The following EIF4ENIF1 variants were observed in gnomAD, a reference collection of about 807,000 sequenced individuals.
The protein encoded by EIF4ENIF1 is eukaryotic translation initiation factor 4E transporter.
EIF4ENIF1 carries 23 observed loss-of-function variants against 110.5 expected under a neutral mutation model. The observed-to-expected ratio is 0.21, with a 90% CI of 0.15 to 0.29. The LOEUF (loss-of-function observed/expected upper bound fraction) is 0.29. EIF4ENIF1 is among the 10% of genes least tolerant of loss of function. EIF4ENIF1 has a pLI of 1.00. For synonymous variants in EIF4ENIF1, 440 were observed against 437.0 expected (o/e 1.01, Z -0.09); for missense variants, 1,031 against 1,221.1 (o/e 0.84, Z 2.32).
intron 2 of EIF4ENIF1, among the ~76,000 whole-genome samples, chr22:31,487,063 T>G (rs1601664981): frequency 6.8e-6 from 1 of 146,440 alleles, no homozygotes; most frequent in African/African-American, 2.4e-5. Context: ...AGAGTAAAAC[T>G]CCATCTCAAA....
rs375883951 is a variant in EIF4ENIF1, at chr22:31,463,112, G to A, written c.607C>T (p.Arg203Cys). 49 of 1,613,814 alleles carry A rather than the reference G, an allele frequency of 3.0e-5. No individual in the cohort carries two copies. The highest frequency in any genetic ancestry group is 1.8e-4 in the Admixed American group (11 of 59,966). The change falls in exon 6 of 19, where the codon CGT becomes TGT. Residue 203 changes from arginine to cysteine, a missense_variant. Coordinates refer to ENST00000330125, the MANE Select transcript of EIF4ENIF1 (RefSeq NM_019843.4). ...RFRREFGDSK[R>C]VFGERRRNDS... ...TTTCTTCTACGCTCACCAAAGACAC[G>A]CTTACTATCTCCAAACTCTCTCTGG...
intron 15 of EIF4ENIF1, 103 bp from the exon 16 acceptor site, chr22:31,443,197 T>C: frequency 4.0e-6 from 6 of 1,489,172 alleles, no homozygotes; most frequent in Non-Finnish European, 5.4e-6. Flanking sequence ...GTCCCCACAT[T>C]GGTAGCATAG....
At chr22:31,444,274 C>G (rs2050393505) in intron 15 of EIF4ENIF1, among the ~76,000 whole-genome samples, 1 of 152,154 alleles carries the variant, frequency 6.6e-6, no homozygotes, top group Non-Finnish European at 1.5e-5. Context: ...CCAGTCACCT[C>G]TGTCCACTTC....
rs144735048 is a variant in EIF4ENIF1 at position 31,443,593 on chromosome 22, A to G, written c.2074-499T>C. Among the ~76,000 whole-genome samples the G allele has an allele frequency of 8.4e-4, 128 of 152,146 alleles. 1 individual carries two copies. Among genetic ancestry groups the G allele is most frequent in the Admixed American group, 1.7e-3 (26 of 15,272 alleles). The stretch of plus-strand genomic sequence containing the variant: ...TTCTACCTTGGTGATTTTATTATGC[A>G]TTTGCCTTTTCTCACCAAACAACCC... On this transcript the variant is annotated intron_variant, in intron 15 of 18. Coordinates refer to ENST00000330125, the MANE Select transcript of EIF4ENIF1 (RefSeq NM_019843.4).
At position 31,439,643 on chromosome 22, in the gene EIF4ENIF1, A is replaced by G; in HGVS notation, c.*237T>C. On this transcript the variant is annotated 3_prime_UTR_variant, in exon 19 of 19. Coordinates refer to ENST00000330125, the MANE Select transcript of EIF4ENIF1 (RefSeq NM_019843.4). ...TTCATTCACATATCTTACAAAAAAG[A>G]AAGACCATTTCCAGGATTGACAACA... 1 of 571,754 alleles carries G rather than the reference A, an allele frequency of 1.7e-6. No individual in the cohort carries two copies. The highest frequency in any genetic ancestry group is 3.0e-6 in the Non-Finnish European group (1 of 338,388). 35.4% of individuals were successfully genotyped at this position (571,754 alleles called of 1,614,324 possible).
At chr22:31,460,254 T>C (rs184420608) in intron 6 of EIF4ENIF1, among the ~76,000 whole-genome samples, 178 of 152,360 alleles carry the variant, frequency 1.2e-3, no homozygotes, top group Non-Finnish European at 2.0e-3. Context: ...CTTCTCCTTC[T>C]AAATAAATGC....
intron 10 of EIF4ENIF1, chr22:31,450,995 C>A (rs953759747): frequency 6.5e-6 from 1 of 153,178 alleles, no homozygotes. Flanking sequence ...ATCCTCTCAT[C>A]TCAGCCTCCT....
chr22:31,446,301 T>TAAAAAAAAAA (rs2050474582), intron 14 of EIF4ENIF1, among the ~76,000 whole-genome samples: 1 of 44,078 alleles, frequency 2.3e-5, no homozygotes. Context: ...AAAAAAAAAG[T>TAAAAAAAAAA]TAAAAGTACT....
In EIF4ENIF1 at chr22:31,463,737, G is replaced by A. The variant is rs1439321695; in HGVS notation, c.529C>T (p.Leu177=). The A allele has an allele frequency of 6.2e-7, 1 of 1,613,392 alleles. No individual in the cohort carries two copies. Among genetic ancestry groups the A allele is most frequent in the African/African-American group, 1.3e-5 (1 of 74,690 alleles). Residue 177 remains leucine, a synonymous_variant, in exon 5 of 19, where the codon CTG becomes TTG. Coordinates refer to ENST00000330125, the MANE Select transcript of EIF4ENIF1 (RefSeq NM_019843.4). ...CGGTCTCTGTCTCTCAAGTCCCGCA[G>A]GTCCTTATCGCTAAGACGGTGATCC... The part of the protein sequence containing the change: ...EKDHRLSDKD[L]RDLRDRDRER...
chr22:31,443,111 T>C lies in EIF4ENIF1; in HGVS notation c.2074-17A>G, dbSNP rs780135279. The C allele has an allele frequency of 1.4e-5, 23 of 1,612,910 alleles. No homozygotes were observed. The highest frequency in any genetic ancestry group is 1.1e-4 in the African/African-American group (8 of 74,898). On this transcript the variant is annotated splice_polypyrimidine_tract_variant and intron_variant, in intron 15 of 18. Transcript: ENST00000330125. ...AGGAGAAAGCTGCAGAGAAAAACAATTGGCATTAGCACATTCTCTAAGTGC... is the reference window on the plus strand; with the variant it reads ...AGGAGAAAGCTGCAGAGAAAAACAACTGGCATTAGCACATTCTCTAAGTGC...
At chr22:31,473,638 G>A (rs1311225899) in intron 2 of EIF4ENIF1, among the ~76,000 whole-genome samples, 2 of 152,106 alleles carry the variant, frequency 1.3e-5, no homozygotes, top group Non-Finnish European at 2.9e-5. Context: ...ATGATAGACT[G>A]AGCCTAAATA....
chr22:31,483,112 C>T (rs1184493260), intron 2 of EIF4ENIF1, among the ~76,000 whole-genome samples: 1 of 149,280 alleles, frequency 6.7e-6, no homozygotes, highest in African/African-American at 2.5e-5. Context: ...CAGAAGATGG[C>T]ATCACTAACA....
chr22:31,481,825 A>C (rs977821309), intron 2 of EIF4ENIF1, among the ~76,000 whole-genome samples: 4 of 152,186 alleles, frequency 2.6e-5, no homozygotes, highest in Non-Finnish European at 5.9e-5. Context: ...AGATCCCTGG[A>C]GACACTAATG....
Position 31,458,323 on chromosome 22 carries a change from C to A in EIF4ENIF1, c.963+152G>T, listed in dbSNP as rs2050890687. 3.0e-5 allele frequency: 15 copies of A among 508,332 alleles called. No homozygotes were observed. In the South Asian group the frequency reaches 9.7e-4, roughly 33 times the overall value. The allele number at this position is 508,332 out of a possible 1,614,324, so 31.5% of individuals were successfully genotyped here. ...CAAAAATCTCATATTATCCATTAAGCCTCTCAAAACAAAGCCAACAAAAAT... is the reference window on the plus strand; with the variant it reads ...CAAAAATCTCATATTATCCATTAAGACTCTCAAAACAAAGCCAACAAAAAT... On this transcript the variant is annotated intron_variant, in intron 7 of 18. Transcript: ENST00000330125.
At position 31,455,237 on chromosome 22, in the gene EIF4ENIF1, T is replaced by A; in HGVS notation, c.1178A>T (p.Glu393Val). Residue 393 changes from glutamate (E) to valine (V), a missense_variant, in exon 9 of 19, where the codon GAA becomes GTA. Transcript: ENST00000330125. ...CATTTCTAAAATATCCACTTTATTTTCAGCATGGTCTTCCAATGGTATAGG... is the reference window on the plus strand; with the variant it reads ...CATTTCTAAAATATCCACTTTATTTACAGCATGGTCTTCCAATGGTATAGG... ...FAPIPLEDHA[E>V]NKVDILEMLQ... 2 of 1,614,072 alleles carry A rather than the reference T, an allele frequency of 1.2e-6. No individual in the cohort carries two copies. The highest frequency in any genetic ancestry group is 1.7e-6 in the Non-Finnish European group (2 of 1,179,986).
At chr22:31,448,993 A>AC (rs973907834) in intron 12 of EIF4ENIF1, among the ~76,000 whole-genome samples, 1 of 152,068 alleles carries the variant, frequency 6.6e-6, no homozygotes, top group Non-Finnish European at 1.5e-5. Context: ...CACGTTTGGT[A>AC]CCCCATCCCC....
chr22:31,453,907 A>G (rs1043501638), intron 10 of EIF4ENIF1, among the ~76,000 whole-genome samples: 3 of 152,182 alleles, frequency 2.0e-5, no homozygotes, highest in African/African-American at 7.2e-5. Flanking sequence ...ATTAAGACTG[A>G]ATCTTTTAAT....
At chr22:31,448,330 C>G (rs977011171) in intron 12 of EIF4ENIF1, 98 bp from the exon 13 acceptor site, 2 of 1,204,532 alleles carry the variant, frequency 1.7e-6, no homozygotes, top group African/African-American at 3.0e-5. Flanking sequence ...AACGCCATCT[C>G]TTGGAAAGCA....
At chr22:31,452,768 C>T (rs2145939958) in intron 10 of EIF4ENIF1, among the ~76,000 whole-genome samples, 1 of 152,272 alleles carries the variant, frequency 6.6e-6, no homozygotes, top group Non-Finnish European at 1.5e-5. Flanking sequence ...ATAAAAGTAA[C>T]TCTAAAGCAG....
Sources: allele counts gnomAD v4.1 joint callset (sites outside exome capture counted in the v4.1 genomes callset), GRCh38; gene constraint gnomAD v4.1.1; transcripts MANE v1.5; gene names NCBI Gene and HGNC (gene_info 2026-07-23, HGNC 2026-07-21).